Variants in TRIO observed in about 807,000 individuals in gnomAD.
TRIO encodes the protein trio Rho guanine nucleotide exchange factor.
A neutral mutation model predicts 351.9 loss-of-function variants in TRIO; 58 were observed. The observed-to-expected ratio is 0.16, with a 90% CI of 0.13 to 0.21. TRIO has a LOEUF of 0.21. TRIO is among the 10% of genes least tolerant of loss of function. TRIO has a pLI of 1.00. For synonymous variants in TRIO, 1,758 were observed against 1,595.7 expected, an observed-to-expected ratio of 1.10 and a Z score of -2.42; for missense variants, 3,201 against 4,027.8, an observed-to-expected ratio of 0.79 and a Z score of 5.56.
At chr5:14,256,313 C>T (rs745349517) in intron 1 of TRIO, among the ~76,000 whole-genome samples, 22 of 152,144 alleles carry the variant, frequency 1.4e-4, no homozygotes, top group Non-Finnish European at 2.5e-4. Context: ...GATCCACCCC[C>T]ATGACTCAAA....
chr5:14,299,533 G>A (rs572441814), intron 7 of TRIO, among the ~76,000 whole-genome samples: 13 of 152,248 alleles, frequency 8.5e-5, no homozygotes, highest in Admixed American at 5.9e-4. Context: ...GTTGTGTCTC[G>A]TCCCCCTCAC....
chr5:14,171,520 A>G (rs1288982091), intron 1 of TRIO, among the ~76,000 whole-genome samples: 1 of 152,234 alleles, frequency 6.6e-6, no homozygotes, highest in African/African-American at 2.4e-5. Flanking sequence ...ATTTGGGCTA[A>G]TGAAGGATAA....
At chr5:14,462,213 G>T (rs772438541) in intron 35 of TRIO, among the ~76,000 whole-genome samples, 1 of 152,196 alleles carries the variant, frequency 6.6e-6, no homozygotes, top group East Asian at 1.9e-4. Context: ...CAGTGTGGGG[G>T]TTGGGATGTA....
chr5:14,165,734 G>A (rs1788723819), intron 1 of TRIO, among the ~76,000 whole-genome samples: 1 of 152,120 alleles, frequency 6.6e-6, no homozygotes, highest in Non-Finnish European at 1.5e-5. Flanking sequence ...AGCTGCATTT[G>A]CCCAGAAGTA....
Position 14,465,594 on chromosome 5 carries a change from C to A in TRIO, c.5717C>A (p.Ala1906Glu). The A allele has an allele frequency of 6.2e-7, 1 of 1,614,136 alleles. No homozygotes were observed. Among genetic ancestry groups the A allele is most frequent in the Non-Finnish European group, 8.5e-7 (1 of 1,180,014 alleles). Residue 1906 changes from alanine (A) to glutamate (E), a missense_variant, in exon 37 of 57, where the codon GCA becomes GAA. By Grantham distance (107) the Ala-to-Glu change is moderately radical (BLOSUM62 -1). This residue lies in a region of TRIO where 307 missense variants were observed against 396.5 expected (regional missense o/e 0.77). Coordinates refer to ENST00000344204, the MANE Select transcript of TRIO (RefSeq NM_007118.4). Reference protein sequence around the residue: ...VRPTSSETPSAAELVSAIEEL... With the variant: ...VRPTSSETPSEAELVSAIEEL... ...CCCACCAGCTCCGAAACACCGAGTG[C>A]AGCCGAGCTCGTCAGTGCAATTGAG...
intron 1 of TRIO, among the ~76,000 whole-genome samples, chr5:14,240,157 A>C (rs1794040766): frequency 6.6e-6 from 1 of 152,260 alleles, no homozygotes; most frequent in African/African-American, 2.4e-5. Flanking sequence ...AAAGGGACTC[A>C]TACAGGTTTG....
intron 1 of TRIO, among the ~76,000 whole-genome samples, chr5:14,186,331 A>T (rs961225107): frequency 1.3e-5 from 2 of 152,138 alleles, no homozygotes; most frequent in African/African-American, 4.8e-5. Context: ...CATCCAGTGG[A>T]TATTAAAGAA....
chr5:14,293,154 T>C lies in TRIO; in HGVS notation c.1176+20T>C. 5 of 1,613,920 alleles carry C rather than the reference T, an allele frequency of 3.1e-6. No individual in the cohort carries two copies. The highest frequency in any genetic ancestry group is 1.1e-5 in the South Asian group (1 of 91,050). On this transcript the variant is annotated intron_variant, in intron 6 of 56. Coordinates refer to ENST00000344204, the MANE Select transcript of TRIO (RefSeq NM_007118.4). The stretch of plus-strand genomic sequence containing the variant: ...TGTATGGTAAGACACTCGGAACAGC[T>C]GGACCCTGGCATGTGACAGTGTTTT...
At chr5:14,256,223 G>A (rs1355898230) in intron 1 of TRIO, among the ~76,000 whole-genome samples, 1 of 152,068 alleles carries the variant, frequency 6.6e-6, no homozygotes, top group Non-Finnish European at 1.5e-5. Flanking sequence ...GAAGTGGGAG[G>A]TGCTACTCTC....
chr5:14,446,371 T>C (rs1051472169), intron 34 of TRIO, among the ~76,000 whole-genome samples: 26 of 152,244 alleles, frequency 1.7e-4, no homozygotes, highest in African/African-American at 6.3e-4. Flanking sequence ...TTTTTGTCTT[T>C]GGCCTTTATT....
intron 34 of TRIO, among the ~76,000 whole-genome samples, chr5:14,425,706 G>T (rs1294334000): frequency 6.6e-6 from 1 of 152,172 alleles, no homozygotes; most frequent in Non-Finnish European, 1.5e-5. Flanking sequence ...GATCATGAGG[G>T]CAGAGCCCTT....
intron 11 of TRIO, among the ~76,000 whole-genome samples, chr5:14,349,044 G>A (rs986388539): frequency 3.3e-5 from 5 of 151,546 alleles, no homozygotes; most frequent in African/African-American, 9.7e-5. Flanking sequence ...ACGCACGTGA[G>A]CATGTGTTTT....
chr5:14,456,429 T>C (rs938691801), intron 34 of TRIO, among the ~76,000 whole-genome samples: 1 of 152,246 alleles, frequency 6.6e-6, no homozygotes, highest in African/African-American at 2.4e-5. Context: ...CTCAATGTGA[T>C]CATGAGCCGA....
chr5:14,235,448 C>T (rs1336707885), intron 1 of TRIO, among the ~76,000 whole-genome samples: 1 of 152,158 alleles, frequency 6.6e-6, no homozygotes, highest in African/African-American at 2.4e-5. Context: ...ATGTTTGACA[C>T]TGGAGTCTCT....
intron 1 of TRIO, among the ~76,000 whole-genome samples, chr5:14,266,065 C>CTTTTCTTTTTTT (rs142016270): frequency 1.3e-5 from 2 of 151,206 alleles, no homozygotes; most frequent in Non-Finnish European, 2.9e-5. Flanking sequence ...CTTTCTTTTC[C>CTTTTCTTTTTTT]TTTTCTTTTT....
chr5:14,158,167 C>T (rs1210054314), intron 1 of TRIO, among the ~76,000 whole-genome samples: 1 of 152,178 alleles, frequency 6.6e-6, no homozygotes, highest in Admixed American at 6.5e-5. Context: ...TGGCTCACAC[C>T]TGTAATCCCA....
intron 54 of TRIO, among the ~76,000 whole-genome samples, chr5:14,503,862 G>A (rs1377930895): frequency 2.0e-5 from 3 of 152,226 alleles, no homozygotes; most frequent in African/African-American, 7.2e-5. Flanking sequence ...TGAGGTCCAA[G>A]GCCTCGTCCA....
chr5:14,337,702 G>A (rs912058991), intron 11 of TRIO, among the ~76,000 whole-genome samples: 10 of 152,176 alleles, frequency 6.6e-5, no homozygotes, highest in Non-Finnish European at 4.4e-5. Context: ...GAAAAGAACG[G>A]CACTACCAGC....
intron 34 of TRIO, among the ~76,000 whole-genome samples, chr5:14,424,099 G>A (rs562605319): frequency 6.6e-6 from 1 of 152,014 alleles, no homozygotes; most frequent in Non-Finnish European, 1.5e-5. Context: ...CCTTTTGGTG[G>A]CAAGGGAGGA....
Sources: gnomAD v4.1 joint callset for allele counts (sites outside exome capture counted in the v4.1 genomes callset) on GRCh38, gnomAD v4.1.1 for gene constraint, gnomAD v4.1.1 regional missense constraint, MANE v1.5 for transcripts, NCBI Gene and HGNC (gene_info 2026-07-23, HGNC 2026-07-21) for gene names.